The following FRMD6 variants were observed in gnomAD, a reference collection of about 807,000 sequenced individuals.
FRMD6 encodes FERM domain-containing protein 6.
A neutral mutation model predicts 73.2 loss-of-function variants in FRMD6; 37 were observed. The observed-to-expected ratio is 0.51, with a 90% confidence interval of 0.39 to 0.66. The LOEUF is 0.66. Among genes scored for constraint, FRMD6 ranks in the 30% least tolerant of loss-of-function variants. The pLI is 0.00. For missense variants in FRMD6, 714 were observed against 780.5 expected, an observed-to-expected ratio of 0.91 and a Z score of 1.02; for synonymous variants, 273 against 282.2, an observed-to-expected ratio of 0.97 and a Z score of 0.33.
upstream of FRMD6, among the ~76,000 whole-genome samples, chr14:51,647,979 C>G (rs1464355441): frequency 6.6e-6 from 1 of 152,136 alleles, no homozygotes; most frequent in East Asian, 1.9e-4. Context: ...GCATGTGCCA[C>G]CATGCCTGGC....
the FRMD6 span, among the ~76,000 whole-genome samples, chr14:51,450,109 C>T: frequency 0.028 from 4,290 of 152,272 alleles, 196 homozygotes; most frequent in African/African-American, 0.097. Flanking sequence ...ATTCAATATA[C>T]TTATAAAATT....
At chr14:51,497,200 C>T (rs549751634) in intron 1 of FRMD6, among the ~76,000 whole-genome samples, 49 of 151,826 alleles carry the variant, frequency 3.2e-4, no homozygotes, top group Admixed American at 5.9e-4. Context: ...CCTGACTCAA[C>T]GCTCTGGGTT....
intron 1 of FRMD6, among the ~76,000 whole-genome samples, chr14:51,549,105 G>T (rs4901137): frequency 6.6e-6 from 1 of 152,116 alleles, no homozygotes; most frequent in Non-Finnish European, 1.5e-5. Context: ...TGGGAGACCA[G>T]GCTGTGAGGG....
chr14:51,469,484 G>T, the FRMD6 span, among the ~76,000 whole-genome samples: 5 of 151,012 alleles, frequency 3.3e-5, no homozygotes, highest in Non-Finnish European at 5.9e-5. Flanking sequence ...GTGGTGGCAG[G>T]CCCCTGTAGT....
intron 1 of FRMD6, among the ~76,000 whole-genome samples, chr14:51,518,248 G>T (rs900785041): frequency 6.6e-6 from 1 of 152,128 alleles, no homozygotes; most frequent in African/African-American, 2.4e-5. Flanking sequence ...AAGACAATTT[G>T]TCTCATCTCA....
the FRMD6 span, among the ~76,000 whole-genome samples, chr14:51,453,089 G>A: frequency 6.6e-6 from 1 of 151,996 alleles, no homozygotes; most frequent in Non-Finnish European, 1.5e-5. Flanking sequence ...TAAAGTTAAG[G>A]GGCAGTAATT....
chr14:51,576,624 C>T (rs532072189), intron 2 of FRMD6, among the ~76,000 whole-genome samples: 6 of 152,292 alleles, frequency 3.9e-5, no homozygotes, highest in Middle Eastern at 3.4e-3. Flanking sequence ...CCTAAGCTCA[C>T]GTTCTTCATC....
chr14:51,422,714 C>T, the FRMD6 span, among the ~76,000 whole-genome samples: 1 of 152,296 alleles, frequency 6.6e-6, no homozygotes, highest in East Asian at 1.9e-4. Flanking sequence ...GTCAAGGAGG[C>T]AAATCAGTTT....
the FRMD6 span, among the ~76,000 whole-genome samples, chr14:51,483,674 G>T: frequency 1.3e-5 from 2 of 152,214 alleles, no homozygotes; most frequent in African/African-American, 4.8e-5. Context: ...GTCACAGAAA[G>T]CCATCGTAGG....
At chr14:51,449,687 A>G in the FRMD6 span, among the ~76,000 whole-genome samples, 1 of 152,202 alleles carries the variant, frequency 6.6e-6, no homozygotes, top group African/African-American at 2.4e-5. Flanking sequence ...ATCAAAAAGC[A>G]TATAGTAGCA....
At chr14:51,472,402 C>T in the FRMD6 span, among the ~76,000 whole-genome samples, 1 of 152,162 alleles carries the variant, frequency 6.6e-6, no homozygotes, top group African/African-American at 2.4e-5. Context: ...CTCCCAGGTT[C>T]ACGCCATTCT....
rs755259880 is a variant in FRMD6 at position 51,701,084 on chromosome 14, A to C, written c.219A>C (p.Ser73=). Residue 73 remains serine (S), a synonymous_variant, in exon 4 of 14, where the codon TCA becomes TCC. Transcript: ENST00000344768. ...ATGAACATGTGTATATGGAGTTGTCACAAAAGCTTTACAAATATTGTCCAA... is the reference window on the plus strand; with the variant it reads ...ATGAACATGTGTATATGGAGTTGTCCCAAAAGCTTTACAAATATTGTCCAA... ...QNNEHVYMEL[S]QKLYKYCPKE... is the part of the protein sequence containing the mutation. The C allele has an allele frequency of 7.0e-6, 11 of 1,575,516 alleles. No homozygotes were observed. In the East Asian group the frequency reaches 2.5e-4, roughly 36 times the overall value.
At chr14:51,688,700 G>A (rs925260986) in intron 1 of FRMD6, among the ~76,000 whole-genome samples, 2 of 152,108 alleles carry the variant, frequency 1.3e-5, no homozygotes, top group Admixed American at 6.5e-5. Context: ...GTCTTGACTT[G>A]TCTTGGTTGA....
intron 2 of FRMD6, among the ~76,000 whole-genome samples, chr14:51,631,465 A>C (rs1186861895): frequency 6.6e-6 from 1 of 152,204 alleles, no homozygotes; most frequent in Non-Finnish European, 1.5e-5. Context: ...TATCTTTAGA[A>C]TGTCTACTTT....
At chr14:51,501,399 G>A (rs1037520705) in intron 1 of FRMD6, among the ~76,000 whole-genome samples, 2 of 152,010 alleles carry the variant, frequency 1.3e-5, no homozygotes, top group Non-Finnish European at 2.9e-5. Flanking sequence ...GCCCCAGTGT[G>A]TTGTTTCCCC....
chr14:51,683,352 A>C (rs1894934707), intron 1 of FRMD6, among the ~76,000 whole-genome samples: 1 of 152,112 alleles, frequency 6.6e-6, no homozygotes, highest in East Asian at 1.9e-4. Flanking sequence ...TCACTGCAGC[A>C]ATGACTTGAG....
chr14:51,694,507 T>C (rs1167643291), intron 2 of FRMD6, among the ~76,000 whole-genome samples: 4 of 152,032 alleles, frequency 2.6e-5, no homozygotes, highest in African/African-American at 7.2e-5. Context: ...CTGGGCAACA[T>C]AGTGAGACCC....
At chr14:51,668,515 G>A (rs1365678459) in intron 1 of FRMD6, among the ~76,000 whole-genome samples, 2 of 151,820 alleles carry the variant, frequency 1.3e-5, no homozygotes, top group South Asian at 4.2e-4. Flanking sequence ...CATGATGGCC[G>A]GGCTGGTCTT....
At chr14:51,412,492 G>A in the FRMD6 span, among the ~76,000 whole-genome samples, 2 of 151,922 alleles carry the variant, frequency 1.3e-5, no homozygotes, top group Admixed American at 6.6e-5. Context: ...ATGTAAGAGA[G>A]GGGGAGGGAA....
Sources: allele counts gnomAD v4.1 joint callset (sites outside exome capture counted in the v4.1 genomes callset), GRCh38; gene constraint gnomAD v4.1.1; transcripts MANE v1.5; gene names NCBI Gene and HGNC (gene_info 2026-07-23, HGNC 2026-07-21).